WWOX: variants seen among roughly 807,000 people sequenced by gnomAD.
WWOX encodes WW domain containing oxidoreductase, also known as WW domain-containing oxidoreductase.
A neutral mutation model predicts 46.2 loss-of-function variants in WWOX; 69 were observed. That is an observed-to-expected ratio of 1.49 (90% CI 1.23 to 1.82). WWOX has a LOEUF of 1.82. WWOX is among the 40% of genes most tolerant of loss of function. The pLI is 0.00. For missense variants in WWOX, 919 were observed against 542.6 expected (o/e 1.69, Z -6.89); for synonymous variants, 359 against 202.6 (o/e 1.77, Z -6.56).
At chr16:78,501,253 TA>T (rs546816049) in intron 8 of WWOX, among the ~76,000 whole-genome samples, 13 of 122,790 alleles carry the variant, frequency 1.1e-4, no homozygotes, top group South Asian at 7.6e-4. Context: ...AAACACAAAA[TA>T]AAAAAAAAAT....
At chr16:78,512,247 A>C (rs79821501) in intron 8 of WWOX, among the ~76,000 whole-genome samples, 1 of 152,220 alleles carries the variant, frequency 6.6e-6, no homozygotes, top group Non-Finnish European at 1.5e-5. Flanking sequence ...AATATTATCA[A>C]TTGCTGGTTC....
chr16:79,152,709 C>T lies in WWOX; in HGVS notation c.1057-58899C>T, dbSNP rs558619471. Reference sequence around the variant, plus strand: ...AAAAACAAAAACCTGCCCTGCCCAGCCATGCCCAAACAGAGTGGCCAGCAG... The same window carrying T: ...AAAAACAAAAACCTGCCCTGCCCAGTCATGCCCAAACAGAGTGGCCAGCAG... On this transcript the variant is annotated intron_variant, in intron 8 of 8. Transcript: ENST00000566780. 2.0e-5 allele frequency among the ~76,000 whole-genome samples: 3 copies of T among 152,016 alleles called. No homozygotes were observed. The East Asian group carries it at 5.8e-4, about 30-fold the overall frequency.
At chr16:78,394,013 C>G (rs950486838) in intron 6 of WWOX, among the ~76,000 whole-genome samples, 2 of 152,080 alleles carry the variant, frequency 1.3e-5, no homozygotes, top group African/African-American at 2.4e-5. Context: ...GATTCATATT[C>G]CAAATTTTGC....
At chr16:78,871,962 C>T (rs536557563) in intron 8 of WWOX, among the ~76,000 whole-genome samples, 29 of 152,172 alleles carry the variant, frequency 1.9e-4, no homozygotes, top group Non-Finnish European at 3.5e-4. Context: ...CTAGGGAGAG[C>T]TTGGCTGTGG....
intron 8 of WWOX, among the ~76,000 whole-genome samples, chr16:79,123,546 C>G (rs928979508): frequency 6.6e-6 from 1 of 151,970 alleles, no homozygotes; most frequent in Admixed American, 6.6e-5. Flanking sequence ...GATTCTTGTC[C>G]TTATGTAAGG....
At chr16:78,576,736 G>A (rs553721485) in intron 8 of WWOX, among the ~76,000 whole-genome samples, 27 of 152,280 alleles carry the variant, frequency 1.8e-4, no homozygotes, top group Admixed American at 4.6e-4. Context: ...AGAGGCTAAA[G>A]GGGGATATTT....
intron 8 of WWOX, 28 bp from the exon 9 acceptor site, chr16:79,211,580 T>G (rs750495856): frequency 3.1e-6 from 5 of 1,613,750 alleles, no homozygotes; most frequent in Non-Finnish European, 4.2e-6. Context: ...CTTAAAATTT[T>G]TTTTTGTCTT....
At chr16:78,692,809 A>G (rs77530864) in intron 8 of WWOX, among the ~76,000 whole-genome samples, 1,955 of 152,330 alleles carry the variant, frequency 0.013, 20 homozygotes, top group South Asian at 0.036. Flanking sequence ...ATTTGAAGTC[A>G]TTGGAAACCA....
chr16:79,195,322 C>T (rs534570985), intron 8 of WWOX, among the ~76,000 whole-genome samples: 6 of 152,126 alleles, frequency 3.9e-5, no homozygotes, highest in East Asian at 3.9e-4. Context: ...GTGGGAGATG[C>T]GAATGCTCCA....
rs926451482 is a variant in WWOX, at chr16:78,817,067, G to C, written c.1056+384315G>C. 4.0e-5 allele frequency among the ~76,000 whole-genome samples: 6 copies of C among 151,482 alleles called. No individual in the cohort carries two copies. In the South Asian group the frequency reaches 8.4e-4, roughly 21 times the overall value. On this transcript the variant is annotated intron_variant, in intron 8 of 8. Transcript: ENST00000566780. ...TGAAGTACGTTTGTGGAAATACAAA[G>C]GTCAAACCTTCCCCTAACCCTCTGT...
intron 8 of WWOX, among the ~76,000 whole-genome samples, chr16:78,813,132 G>T (rs1388428348): frequency 6.7e-5 from 10 of 148,848 alleles, no homozygotes; most frequent in Non-Finnish European, 1.3e-4. Context: ...ATAAGTGGTT[G>T]ATTGTTTTTT....
intron 5 of WWOX, among the ~76,000 whole-genome samples, chr16:78,330,880 G>A (rs1184628801): frequency 6.6e-6 from 1 of 152,220 alleles, no homozygotes; most frequent in African/African-American, 2.4e-5. Flanking sequence ...AAGCTGAGAT[G>A]ATATGCATGT....
At chr16:78,689,150 C>T (rs1459504308) in intron 8 of WWOX, among the ~76,000 whole-genome samples, 1 of 152,158 alleles carries the variant, frequency 6.6e-6, no homozygotes, top group Non-Finnish European at 1.5e-5. Flanking sequence ...ACACACAGGA[C>T]TCCCACCCTC....
At chr16:78,735,394 AAC>A (rs35975130) in intron 8 of WWOX, among the ~76,000 whole-genome samples, 13,062 of 120,792 alleles carry the variant, frequency 0.11, 724 homozygotes, top group Non-Finnish European at 0.16. Context: ...ACCACACACA[AAC>A]ACACACACAC....
chr16:78,988,413 C>T (rs1357405268), intron 8 of WWOX, among the ~76,000 whole-genome samples: 1 of 151,170 alleles, frequency 6.6e-6, no homozygotes, highest in Non-Finnish European at 1.5e-5. Context: ...GGGTGGCTGT[C>T]ACCATCCTTG....
intron 5 of WWOX, among the ~76,000 whole-genome samples, chr16:78,358,209 G>A (rs550590285): frequency 4.6e-5 from 7 of 151,992 alleles, no homozygotes; most frequent in Admixed American, 2.6e-4. Flanking sequence ...ATAACCTCTT[G>A]TATTTACAAA....
intron 8 of WWOX, among the ~76,000 whole-genome samples, chr16:78,740,437 C>G (rs2049191383): frequency 6.6e-6 from 1 of 152,126 alleles, no homozygotes; most frequent in African/African-American, 2.4e-5. Flanking sequence ...CCTTTGGACC[C>G]CGGCTGGCTG....
rs114337834 is a variant in WWOX at position 78,775,158 on chromosome 16, A to T, written c.1056+342406A>T. Among the ~76,000 whole-genome samples the T allele has an allele frequency of 2.6e-3, 396 of 152,204 alleles. 2 individuals are homozygous for T. Among genetic ancestry groups the T allele is most frequent in the African/African-American group, 9.0e-3 (375 of 41,534 alleles). On this transcript the variant is annotated intron_variant, in intron 8 of 8. Transcript: ENST00000566780. ...AGTGTCTGGTTCCTGAAATACCTCA[A>T]TTCCTTTTGCCTGCCTGGCTCCTCT...
intron 8 of WWOX, among the ~76,000 whole-genome samples, chr16:78,871,795 G>T (rs1458225653): frequency 1.3e-5 from 2 of 152,160 alleles, no homozygotes; most frequent in Non-Finnish European, 1.5e-5. Context: ...GTAGAGAGGG[G>T]TTTCACCATA....
Sources: gnomAD v4.1 joint callset for allele counts (sites outside exome capture counted in the v4.1 genomes callset) on GRCh38, gnomAD v4.1.1 for gene constraint, MANE v1.5 for transcripts, NCBI Gene and HGNC (gene_info 2026-07-23, HGNC 2026-07-21) for gene names.